RHBDL3: variants seen among roughly 807,000 people sequenced by gnomAD.
The protein encoded by RHBDL3 is rhomboid-related protein 3.
Under a neutral mutation model 48.2 loss-of-function variants are expected in RHBDL3, and 28 were observed. That is an observed-to-expected ratio of 0.58 (90% CI 0.43 to 0.80). The LOEUF (loss-of-function observed/expected upper bound fraction) is 0.80. Ranked by LOEUF, RHBDL3 falls within the 30% of genes least tolerant of loss-of-function variation. The pLI, the probability that RHBDL3 is intolerant of heterozygous loss-of-function variation, is 0.00. For synonymous variants in RHBDL3, 208 were observed against 232.3 expected (o/e 0.90, Z 0.95); for missense variants, 464 against 542.7 (o/e 0.85, Z 1.44).
Position 32,266,178 on chromosome 17 carries a change from C to G in RHBDL3, c.-12C>G. The stretch of plus-strand genomic sequence containing the variant: ...CCCGCAGCCGCCGCCGCCCCCGGAC[C>G]CCGTCTCGGCCATGGGCGAGCACCC... On this transcript the variant is annotated 5_prime_UTR_variant, in exon 1 of 9. Coordinates refer to ENST00000269051, the MANE Select transcript of RHBDL3 (RefSeq NM_138328.3). 2 of 1,156,098 alleles carry G rather than the reference C, an allele frequency of 1.7e-6. No individual in the cohort carries two copies. Among genetic ancestry groups the G allele is most frequent in the Non-Finnish European group, 2.2e-6 (2 of 927,744 alleles). The allele number at this position is 1,156,098 out of a possible 1,614,324, so 71.6% of individuals were successfully genotyped here. A position where few individuals can be genotyped will look rare whatever the true frequency, so the allele number is the denominator to read the frequency against.
In RHBDL3 at chr17:32,321,578, C is replaced by T; in HGVS notation, c.*349C>T. On this transcript the variant is annotated 3_prime_UTR_variant, in exon 9 of 9. Coordinates refer to ENST00000269051, the MANE Select transcript of RHBDL3 (RefSeq NM_138328.3). ...CTCACTGCTGCGGATTGAGCAGCAG[C>T]TTCTTCCTCCTCCTCTACCCTCAGA... 2.3e-6 allele frequency: 1 copy of T among 431,156 alleles called. No individual in the cohort carries two copies. 26.7% of individuals were successfully genotyped at this position (431,156 alleles called of 1,614,324 possible). A position where few individuals can be genotyped will look rare whatever the true frequency, so the allele number is the denominator to read the frequency against.
chr17:32,272,903 GC>G (rs2039806520), intron 2 of RHBDL3, among the ~76,000 whole-genome samples: 2 of 152,208 alleles, frequency 1.3e-5, no homozygotes, highest in Non-Finnish European at 2.9e-5. Context: ...ACTCACGGCA[GC>G]CCCTCTGCCA....
intron 5 of RHBDL3, among the ~76,000 whole-genome samples, chr17:32,295,764 A>G (rs1414569712): frequency 1.3e-5 from 2 of 152,194 alleles, no homozygotes; most frequent in African/African-American, 2.4e-5. Context: ...AATTTAAATG[A>G]GACAGTGGGT....
intron 2 of RHBDL3, among the ~76,000 whole-genome samples, chr17:32,279,503 C>T (rs1409419239): frequency 3.9e-5 from 6 of 152,170 alleles, no homozygotes; most frequent in Admixed American, 3.9e-4. Flanking sequence ...TCCCTCTCCC[C>T]AGTGTTGCCA....
At chr17:32,300,008 T>C (rs1026751496) in intron 6 of RHBDL3, among the ~76,000 whole-genome samples, 1 of 152,214 alleles carries the variant, frequency 6.6e-6, no homozygotes, top group Non-Finnish European at 1.5e-5. Flanking sequence ...CACTTATCAG[T>C]GCCTACCATA....
chr17:32,322,084 C>G lies in RHBDL3; in HGVS notation c.*855C>G. On this transcript the variant is annotated 3_prime_UTR_variant, in exon 9 of 9. Transcript: ENST00000269051. ...GCTGCCCTGACACTACTTTGTGCCT[C>G]TCTTTGGTTATGGAGACAGTGTTTT... 1 of 153,136 alleles carries G rather than the reference C, an allele frequency of 6.5e-6. No individual in the cohort carries two copies. The highest frequency in any genetic ancestry group is 1.5e-5 in the Non-Finnish European group (1 of 68,724). 9.5% of individuals were successfully genotyped at this position (153,136 alleles called of 1,614,324 possible). A position where few individuals can be genotyped will look rare whatever the true frequency, so the allele number is the denominator to read the frequency against.
chr17:32,290,539 A>C (rs565119795), intron 4 of RHBDL3, among the ~76,000 whole-genome samples: 3 of 152,232 alleles, frequency 2.0e-5, no homozygotes, highest in Non-Finnish European at 4.4e-5. Flanking sequence ...TCTTCTATAC[A>C]GTTCTGGTAA....
intron 7 of RHBDL3, among the ~76,000 whole-genome samples, chr17:32,305,979 G>A (rs8074594): frequency 0.53 from 80,274 of 151,706 alleles, 22,125 homozygotes; most frequent in Non-Finnish European, 0.6. Flanking sequence ...TTTATCATAG[G>A]TTGTTAAAAA....
At position 32,322,807 on chromosome 17, in the gene RHBDL3, C is replaced by A. The variant is rs1001365258; in HGVS notation, c.*1578C>A. ...CCCCGAATGGAGGGCATGAGGATGA[C>A]CTTTGACAAAAGATGACACTCCCTT... On this transcript the variant is annotated 3_prime_UTR_variant, in exon 9 of 9. Coordinates refer to ENST00000269051, the MANE Select transcript of RHBDL3 (RefSeq NM_138328.3). The A allele has an allele frequency of 7.2e-5, 11 of 152,310 alleles. No individual in the cohort carries two copies. Among genetic ancestry groups the A allele is most frequent in the Admixed American group, 4.6e-4 (7 of 15,274 alleles). The allele number at this position is 152,310 out of a possible 1,614,324, so 9.4% of individuals were successfully genotyped here.
intron 2 of RHBDL3, among the ~76,000 whole-genome samples, chr17:32,274,261 CCT>C (rs1261104986): frequency 6.6e-6 from 1 of 152,168 alleles, no homozygotes; most frequent in Admixed American, 6.5e-5. Context: ...GGCTAGCACT[CCT>C]CTGTCTGGTG....
At chr17:32,299,223 C>A (rs11653646) in intron 6 of RHBDL3, among the ~76,000 whole-genome samples, 51,322 of 151,884 alleles carry the variant, frequency 0.34, 9,876 homozygotes, top group Non-Finnish European at 0.43. Context: ...AGGCAGGGAC[C>A]CTGGGAGTAA....
intron 2 of RHBDL3, among the ~76,000 whole-genome samples, chr17:32,279,721 G>A (rs1456038083): frequency 6.6e-6 from 1 of 152,098 alleles, no homozygotes; most frequent in African/African-American, 2.4e-5. Flanking sequence ...CACGGGGTGG[G>A]TGGCCCTTAT....
chr17:32,315,680 T>C (rs958652377), intron 7 of RHBDL3, among the ~76,000 whole-genome samples: 1 of 151,854 alleles, frequency 6.6e-6, no homozygotes, highest in Non-Finnish European at 1.5e-5. Context: ...AAAAAGTCTC[T>C]CTCTGAAGTT....
intron 2 of RHBDL3, among the ~76,000 whole-genome samples, chr17:32,279,864 C>G (rs1011537636): frequency 1.3e-5 from 2 of 152,196 alleles, no homozygotes; most frequent in Admixed American, 6.5e-5. Flanking sequence ...TTGCCCCAGA[C>G]TGGGGAAGGA....
intron 8 of RHBDL3, among the ~76,000 whole-genome samples, chr17:32,320,250 A>C (rs946177573): frequency 3.3e-5 from 5 of 152,128 alleles, no homozygotes; most frequent in Non-Finnish European, 5.9e-5. Context: ...TCCCGCCTAG[A>C]GTGAGACCTG....
chr17:32,279,244 A>G (rs917694798), intron 2 of RHBDL3, among the ~76,000 whole-genome samples: 76 of 152,180 alleles, frequency 5.0e-4, no homozygotes, highest in Non-Finnish European at 2.2e-4. Flanking sequence ...TGCCTGATAC[A>G]TAGCAAACTT....
chr17:32,276,383 C>T (rs1305420068), intron 2 of RHBDL3, among the ~76,000 whole-genome samples: 2 of 152,128 alleles, frequency 1.3e-5, no homozygotes, highest in African/African-American at 4.8e-5. Flanking sequence ...AGAGAAAGCT[C>T]CTACTCCCCT....
At chr17:32,289,962 T>G (rs758696276) in intron 4 of RHBDL3, among the ~76,000 whole-genome samples, 4 of 152,256 alleles carry the variant, frequency 2.6e-5, no homozygotes, top group Admixed American at 6.5e-5. Context: ...TGTTATGGCT[T>G]CATCCAAGTA....
intron 7 of RHBDL3, among the ~76,000 whole-genome samples, chr17:32,311,519 G>A (rs887290945): frequency 6.6e-6 from 1 of 152,208 alleles, no homozygotes; most frequent in Non-Finnish European, 1.5e-5. Flanking sequence ...CCCTGGACCA[G>A]GAGCCCAGTC....
Sources: gnomAD v4.1 joint callset for allele counts (sites outside exome capture counted in the v4.1 genomes callset) on GRCh38, gnomAD v4.1.1 for gene constraint, MANE v1.5 for transcripts, NCBI Gene and HGNC (gene_info 2026-07-23, HGNC 2026-07-21) for gene names.